The following LSAMP variants were observed in gnomAD, a reference collection of about 807,000 sequenced individuals.
The protein encoded by LSAMP is limbic system-associated membrane protein.
Under a neutral mutation model 38.6 loss-of-function variants are expected in LSAMP, and 7 were observed. The observed-to-expected ratio is 0.18, with a 90% CI of 0.10 to 0.34. LSAMP has a LOEUF of 0.34. LSAMP is among the 10% of genes least tolerant of loss of function. The pLI is 1.00. For missense variants in LSAMP, 313 were observed against 420.0 expected (o/e 0.75, Z 2.23); for synonymous variants, 154 against 166.8 (o/e 0.92, Z 0.59).
At chr3:116,057,969 A>ACACACACCCC (rs1559726157) in intron 2 of LSAMP, among the ~76,000 whole-genome samples, 1 of 145,378 alleles carries the variant, frequency 6.9e-6, no homozygotes, top group African/African-American at 2.5e-5. Context: ...ACACACACAC[A>ACACACACCCC]CACACACACA....
chr3:115,947,458 A>T (rs1434561577), intron 3 of LSAMP, among the ~76,000 whole-genome samples: 1 of 152,150 alleles, frequency 6.6e-6, no homozygotes, highest in Admixed American at 6.6e-5. Context: ...TCTCATTCAT[A>T]TTAAAATAAA....
intron 1 of LSAMP, among the ~76,000 whole-genome samples, chr3:116,231,251 T>C (rs552398771): frequency 2.0e-5 from 3 of 152,324 alleles, no homozygotes; most frequent in African/African-American, 7.2e-5. Context: ...GTTCTGGTTC[T>C]TTACATAGGA....
intron 1 of LSAMP, among the ~76,000 whole-genome samples, chr3:116,340,714 A>G (rs1326611701): frequency 1.3e-5 from 2 of 152,024 alleles, no homozygotes; most frequent in African/African-American, 2.4e-5. Flanking sequence ...TCTGTCACAC[A>G]GCCTACAAAC....
intron 1 of LSAMP, among the ~76,000 whole-genome samples, chr3:116,410,358 T>C (rs1423920646): frequency 6.6e-6 from 1 of 152,042 alleles, no homozygotes; most frequent in Non-Finnish European, 1.5e-5. Flanking sequence ...GTTATTCTAA[T>C]GGACTCTGGT....
chr3:115,994,488 T>C (rs1345351732), intron 3 of LSAMP, among the ~76,000 whole-genome samples: 2 of 152,100 alleles, frequency 1.3e-5, no homozygotes, highest in Non-Finnish European at 2.9e-5. Flanking sequence ...GATCCTTTCA[T>C]GAAGCTTGGT....
chr3:116,035,900 A>G (rs1179650181), intron 2 of LSAMP, among the ~76,000 whole-genome samples: 1 of 152,224 alleles, frequency 6.6e-6, no homozygotes, highest in Non-Finnish European at 1.5e-5. Context: ...GGACCATACA[A>G]CTGGGCTGTA....
chr3:115,951,615 C>A (rs1318023954), intron 3 of LSAMP, among the ~76,000 whole-genome samples: 1 of 152,162 alleles, frequency 6.6e-6, no homozygotes, highest in Non-Finnish European at 1.5e-5. Context: ...ATCTAATCAG[C>A]TGCCAGTGTG....
At chr3:116,248,159 A>C (rs549702857) in intron 1 of LSAMP, among the ~76,000 whole-genome samples, 3 of 152,320 alleles carry the variant, frequency 2.0e-5, no homozygotes, top group Admixed American at 1.3e-4. Flanking sequence ...CCCAGATTAA[A>C]GGGAAAGATT....
chr3:116,312,504 C>T (rs1308788006), intron 1 of LSAMP, among the ~76,000 whole-genome samples: 1 of 152,166 alleles, frequency 6.6e-6, no homozygotes, highest in Non-Finnish European at 1.5e-5. Context: ...GTTATTTACT[C>T]TCCCCATCTT....
At chr3:116,280,203 A>T (rs1019717478) in intron 1 of LSAMP, among the ~76,000 whole-genome samples, 4 of 152,214 alleles carry the variant, frequency 2.6e-5, no homozygotes, top group Non-Finnish European at 5.9e-5. Context: ...TAATCTTCAC[A>T]TATTTCACCG....
chr3:116,060,725 A>G (rs1941579505), intron 2 of LSAMP, among the ~76,000 whole-genome samples: 1 of 152,076 alleles, frequency 6.6e-6, no homozygotes, highest in Non-Finnish European at 1.5e-5. Flanking sequence ...GTGCCATCGT[A>G]CTCCAGCCTG....
At chr3:115,910,459 A>G (rs775390956) in intron 3 of LSAMP, among the ~76,000 whole-genome samples, 2 of 152,152 alleles carry the variant, frequency 1.3e-5, no homozygotes, top group Non-Finnish European at 2.9e-5. Flanking sequence ...TGATTTTTTA[A>G]TTAAATTTTT....
At chr3:115,846,714 C>T (rs763265597) in intron 4 of LSAMP, among the ~76,000 whole-genome samples, 4 of 152,052 alleles carry the variant, frequency 2.6e-5, no homozygotes, top group Non-Finnish European at 5.9e-5. Context: ...TCTGGTATGT[C>T]TATTTGAATG....
At chr3:115,874,358 T>C (rs1193134959) in intron 3 of LSAMP, among the ~76,000 whole-genome samples, 1 of 152,114 alleles carries the variant, frequency 6.6e-6, no homozygotes, top group Non-Finnish European at 1.5e-5. Flanking sequence ...CTTGAAACTA[T>C]CCCTATTCTC....
At chr3:116,077,251 G>A (rs192322822) in intron 2 of LSAMP, among the ~76,000 whole-genome samples, 53 of 151,452 alleles carry the variant, frequency 3.5e-4, no homozygotes, top group Middle Eastern at 3.7e-3. Flanking sequence ...CTAATGTTAC[G>A]TAATAATAAT....
chr3:116,396,117 T>A (rs149032079), intron 1 of LSAMP, among the ~76,000 whole-genome samples: 2 of 152,216 alleles, frequency 1.3e-5, no homozygotes, highest in African/African-American at 2.4e-5. Context: ...GGTGGATTTA[T>A]AAAACTGAAT....
chr3:115,894,004 C>G (rs570767434), intron 3 of LSAMP, among the ~76,000 whole-genome samples: 2 of 152,038 alleles, frequency 1.3e-5, no homozygotes, highest in African/African-American at 4.8e-5. Context: ...CTGTGTCACA[C>G]AGGTCAAACC....
intron 1 of LSAMP, among the ~76,000 whole-genome samples, chr3:116,375,758 T>C (rs1280549245): frequency 2.6e-5 from 4 of 151,962 alleles, no homozygotes; most frequent in South Asian, 2.1e-4. Context: ...CTGAACATAA[T>C]TGATAAAACT....
chr3:116,072,823 A>G (rs542334293), intron 2 of LSAMP, among the ~76,000 whole-genome samples: 48 of 145,764 alleles, frequency 3.3e-4, no homozygotes, highest in African/African-American at 1.2e-3. Context: ...TCAAATGGAT[A>G]GATTGCAAGA....
Sources: allele counts gnomAD v4.1 joint callset (sites outside exome capture counted in the v4.1 genomes callset), GRCh38; gene constraint gnomAD v4.1.1; transcripts MANE v1.5; gene names NCBI Gene and HGNC (gene_info 2026-07-23, HGNC 2026-07-21).